The following TBC1D32 variants were observed in gnomAD, a reference collection of about 807,000 sequenced individuals.
TBC1D32 encodes the protein protein broad-minded.
In TBC1D32, 151 loss-of-function variants were observed where a neutral mutation model predicts 170.3. The ratio of observed to expected loss-of-function variants is 0.89; its 90% CI spans 0.78 to 1.01. The LOEUF (loss-of-function observed/expected upper bound fraction) is 1.01, where lower values mean the gene tolerates loss of function less well. Among genes scored for constraint, TBC1D32 ranks in the 50% least tolerant of loss-of-function variants. The pLI, the probability that TBC1D32 is intolerant of heterozygous loss-of-function variation, is 0.00. For missense variants in TBC1D32, 1,464 were observed against 1,457.1 expected (o/e 1.00, Z -0.08); for synonymous variants, 498 against 488.0 (o/e 1.02, Z -0.27).
intron 22 of TBC1D32, among the ~76,000 whole-genome samples, chr6:121,188,870 T>TG (rs1344923241): frequency 6.6e-6 from 1 of 152,202 alleles, no homozygotes; most frequent in Non-Finnish European, 1.5e-5. Context: ...ATGTGGGCTC[T>TG]GGGCTGGAAG....
intron 22 of TBC1D32, among the ~76,000 whole-genome samples, chr6:121,162,763 C>T (rs1442054211): frequency 4.1e-5 from 6 of 147,390 alleles, no homozygotes; most frequent in Non-Finnish European, 7.5e-5. Context: ...CAGCTCCCAG[C>T]GTGAGCGACG....
At chr6:121,175,258 G>C (rs1787609473) in intron 22 of TBC1D32, among the ~76,000 whole-genome samples, 1 of 152,128 alleles carries the variant, frequency 6.6e-6, no homozygotes, top group Non-Finnish European at 1.5e-5. Flanking sequence ...AGTGGATTTT[G>C]AGTTAAGATT....
intron 21 of TBC1D32, among the ~76,000 whole-genome samples, chr6:121,214,590 A>G (rs1406212123): frequency 1.3e-5 from 2 of 152,154 alleles, no homozygotes; most frequent in Non-Finnish European, 1.5e-5. Context: ...GCACCAGGGA[A>G]CACAGCAGGG....
At chr6:121,326,396 T>A (rs575362827) in intron 1 of TBC1D32, among the ~76,000 whole-genome samples, 1 of 152,196 alleles carries the variant, frequency 6.6e-6, no homozygotes, top group Non-Finnish European at 1.5e-5. Flanking sequence ...TCTGAGATGA[T>A]GAATACACTA....
At chr6:121,178,885 TG>T (rs1788141473) in intron 22 of TBC1D32, among the ~76,000 whole-genome samples, 1 of 152,096 alleles carries the variant, frequency 6.6e-6, no homozygotes, top group South Asian at 2.1e-4. Flanking sequence ...CAACAACCTG[TG>T]TGAGTTAGGA....
Position 121,205,111 on chromosome 6 carries a change from A to C in TBC1D32, c.2534T>G (p.Leu845Ter). Residue 845 changes from leucine to a stop codon, truncating the protein, a stop_gained, in exon 22 of 32, where the codon TTA becomes TGA. Transcript: ENST00000398212. LOFTEE classifies it high-confidence loss of function. ...GATATGTGATTGTTCATAGTTGAAT[A>C]AAGAACGAATCTTAGCTTCAGAATT... ...ILNSEAKIRS[L>*]FNYEQSHIFG... 1 of 1,535,826 alleles carries C rather than the reference A, an allele frequency of 6.5e-7. No homozygotes were observed. The highest frequency in any genetic ancestry group is 2.0e-5 in the Admixed American group (1 of 49,024).
intron 22 of TBC1D32, among the ~76,000 whole-genome samples, chr6:121,181,806 A>T (rs938517006): frequency 6.6e-6 from 1 of 152,132 alleles, no homozygotes; most frequent in Non-Finnish European, 1.5e-5. Context: ...AAAGAATGCA[A>T]TCCTCTCATT....
intron 24 of TBC1D32, among the ~76,000 whole-genome samples, chr6:121,138,826 C>T (rs1282191576): frequency 1.3e-5 from 2 of 151,650 alleles, no homozygotes; most frequent in Non-Finnish European, 2.9e-5. Flanking sequence ...TATTACACTT[C>T]ATATAGTACC....
intron 23 of TBC1D32, 61 bp downstream of exon 23, chr6:121,160,887 G>A (rs1453916947): frequency 7.7e-6 from 10 of 1,306,582 alleles, no homozygotes; most frequent in African/African-American, 1.5e-5. Context: ...CTTTGAGTTG[G>A]CTATCTTGCT....
At chr6:121,092,817 C>G (rs1440710493) in intron 30 of TBC1D32, among the ~76,000 whole-genome samples, 1 of 152,140 alleles carries the variant, frequency 6.6e-6, no homozygotes, top group African/African-American at 2.4e-5. Context: ...TTTAAAGGCC[C>G]TATTCAAATA....
intron 22 of TBC1D32, among the ~76,000 whole-genome samples, chr6:121,183,583 A>G (rs116866105): frequency 6.6e-6 from 1 of 152,212 alleles, no homozygotes; most frequent in East Asian, 1.9e-4. Context: ...TCTATTAGGC[A>G]TCTTGTGCTA....
At chr6:121,116,283 A>T (rs2128202013) in intron 26 of TBC1D32, among the ~76,000 whole-genome samples, 1 of 152,016 alleles carries the variant, frequency 6.6e-6, no homozygotes, top group Admixed American at 6.6e-5. Flanking sequence ...TATAGTAAGT[A>T]TGGAACACCA....
At chr6:121,278,497 CA>C (rs2128440984) in intron 15 of TBC1D32, among the ~76,000 whole-genome samples, 1 of 152,126 alleles carries the variant, frequency 6.6e-6, no homozygotes, top group African/African-American at 2.4e-5. Context: ...GCATTTATTG[CA>C]GTGTTATTTA....
intron 22 of TBC1D32, among the ~76,000 whole-genome samples, chr6:121,168,376 A>G (rs1372084349): frequency 6.5e-5 from 9 of 138,666 alleles, no homozygotes; most frequent in South Asian, 2.5e-4. Context: ...GGAATACTAT[A>G]CAGCCATAAA....
At chr6:121,271,459 T>A (rs559139941) in intron 15 of TBC1D32, among the ~76,000 whole-genome samples, 4 of 152,128 alleles carry the variant, frequency 2.6e-5, no homozygotes, top group Admixed American at 2.6e-4. Flanking sequence ...GGCATTCCTA[T>A]ACACCAATAA....
intron 31 of TBC1D32, among the ~76,000 whole-genome samples, chr6:121,086,334 C>CA (rs1175340273): frequency 6.6e-6 from 1 of 152,096 alleles, no homozygotes; most frequent in Non-Finnish European, 1.5e-5. Context: ...AATATAAGGA[C>CA]AATGCAGAAA....
chr6:121,162,622 G>C (rs1785876186), intron 22 of TBC1D32, among the ~76,000 whole-genome samples: 1 of 152,066 alleles, frequency 6.6e-6, no homozygotes, highest in Admixed American at 6.5e-5. Context: ...TATATTTGTA[G>C]ATGACATGAT....
At chr6:121,155,720 TG>T (rs1784796400) in intron 24 of TBC1D32, among the ~76,000 whole-genome samples, 1 of 152,158 alleles carries the variant, frequency 6.6e-6, no homozygotes, top group South Asian at 2.1e-4. Context: ...CATGAAGAGA[TG>T]TTGGATTTTA....
At chr6:121,184,060 T>G (rs761311503) in intron 22 of TBC1D32, among the ~76,000 whole-genome samples, 5 of 152,090 alleles carry the variant, frequency 3.3e-5, no homozygotes, top group Admixed American at 6.6e-5. Context: ...TAAAAATTTC[T>G]TCACAAGAGT....
Sources: gnomAD v4.1 joint callset for allele counts (sites outside exome capture counted in the v4.1 genomes callset) on GRCh38, gnomAD v4.1.1 for gene constraint, MANE v1.5 for transcripts, NCBI Gene and HGNC (gene_info 2026-07-23, HGNC 2026-07-21) for gene names.